AUTS2: variants seen among roughly 807,000 people sequenced by gnomAD.
AUTS2 encodes the protein activator of transcription and developmental regulator AUTS2.
A neutral mutation model predicts 112.4 loss-of-function variants in AUTS2; 17 were observed. The ratio of observed to expected loss-of-function variants is 0.15; its 90% CI spans 0.10 to 0.23. The LOEUF (loss-of-function observed/expected upper bound fraction) is 0.23, where lower values mean the gene tolerates loss of function less well. Among genes scored for constraint, AUTS2 ranks in the 10% least tolerant of loss-of-function variants. AUTS2 has a pLI of 1.00. For synonymous variants in AUTS2, 751 were observed against 702.7 expected, an observed-to-expected ratio of 1.07 and a Z score of -1.09; for missense variants, 1,510 against 1,701.6, an observed-to-expected ratio of 0.89 and a Z score of 1.98.
intron 4 of AUTS2, among the ~76,000 whole-genome samples, chr7:70,147,057 T>C (rs941810262): frequency 1.1e-4 from 17 of 152,090 alleles, no homozygotes; most frequent in African/African-American, 4.1e-4. Context: ...TACAATGTGG[T>C]TATTTAAATA....
At chr7:70,638,683 A>G (rs1437564986) in intron 5 of AUTS2, among the ~76,000 whole-genome samples, 1 of 152,170 alleles carries the variant, frequency 6.6e-6, no homozygotes, top group African/African-American at 2.4e-5. Context: ...GGAAAAGCCA[A>G]GCGCTTTAAT....
intron 4 of AUTS2, among the ~76,000 whole-genome samples, chr7:70,191,067 T>C (rs1251798471): frequency 6.6e-6 from 1 of 152,160 alleles, no homozygotes; most frequent in East Asian, 1.9e-4. Context: ...GTAAATATTA[T>C]TGAAGCCTTA....
At chr7:69,919,466 C>T (rs1388783607) in intron 2 of AUTS2, among the ~76,000 whole-genome samples, 1 of 152,176 alleles carries the variant, frequency 6.6e-6, no homozygotes, top group Non-Finnish European at 1.5e-5. Flanking sequence ...ATCGCAGACA[C>T]TGTAGCTAAT....
chr7:69,833,995 A>T (rs536856311), intron 1 of AUTS2, among the ~76,000 whole-genome samples: 1 of 152,280 alleles, frequency 6.6e-6, no homozygotes, highest in African/African-American at 2.4e-5. Context: ...ATTTTGAAAA[A>T]TTTCCAAGGG....
chr7:69,799,697 A>G (rs1020380092), intron 1 of AUTS2, among the ~76,000 whole-genome samples: 1 of 152,188 alleles, frequency 6.6e-6, no homozygotes, highest in Non-Finnish European at 1.5e-5. Flanking sequence ...ACTCCTTGGC[A>G]TTCTCTATGT....
intron 5 of AUTS2, among the ~76,000 whole-genome samples, chr7:70,691,225 CTTTCTA>C (rs1022954120): frequency 2.0e-4 from 31 of 152,116 alleles, no homozygotes; most frequent in Non-Finnish European, 1.5e-5. Flanking sequence ...TTGCTCTCTG[CTTTCTA>C]TTAGAAAGGG....
chr7:70,690,445 C>T (rs1384620799), intron 5 of AUTS2, among the ~76,000 whole-genome samples: 1 of 152,158 alleles, frequency 6.6e-6, no homozygotes, highest in African/African-American at 2.4e-5. Context: ...ACTTCCTCTT[C>T]CTTTAAACCA....
intron 1 of AUTS2, among the ~76,000 whole-genome samples, chr7:69,832,880 A>T (rs1791563131): frequency 6.6e-6 from 1 of 152,174 alleles, no homozygotes; most frequent in Non-Finnish European, 1.5e-5. Flanking sequence ...AAAATCAAAG[A>T]GGAATTTTGA....
chr7:69,746,932 A>C (rs1241189061), intron 1 of AUTS2, among the ~76,000 whole-genome samples: 2 of 152,140 alleles, frequency 1.3e-5, no homozygotes, highest in Admixed American at 6.5e-5. Flanking sequence ...CTGCCTGCCT[A>C]AGGCTGGTGA....
chr7:69,894,109 A>G (rs561342528), intron 1 of AUTS2, among the ~76,000 whole-genome samples: 2 of 152,242 alleles, frequency 1.3e-5, no homozygotes, highest in Admixed American at 1.3e-4. Flanking sequence ...TCTGTTGTGC[A>G]TGGCTTGTAC....
intron 1 of AUTS2, among the ~76,000 whole-genome samples, chr7:69,788,063 G>C (rs1789455624): frequency 6.6e-6 from 1 of 152,142 alleles, no homozygotes; most frequent in Non-Finnish European, 1.5e-5. Context: ...AGAAGAAATT[G>C]CTCTTGGTGA....
At chr7:70,321,074 A>C (rs887493311) in intron 4 of AUTS2, among the ~76,000 whole-genome samples, 6 of 152,220 alleles carry the variant, frequency 3.9e-5, no homozygotes, top group African/African-American at 1.4e-4. Flanking sequence ...ACCAAGCACC[A>C]GTCTAAGTGC....
intron 2 of AUTS2, among the ~76,000 whole-genome samples, chr7:69,986,806 T>C (rs1189381942): frequency 6.6e-6 from 1 of 152,202 alleles, no homozygotes; most frequent in East Asian, 1.9e-4. Context: ...TGCTACCCTG[T>C]CTGTGATTCT....
Position 69,695,313 on chromosome 7 carries a change from AT to A in AUTS2, c.309+95352del, listed in dbSNP as rs1460318515. On this transcript the variant is annotated intron_variant, in intron 1 of 18. Transcript: ENST00000342771. ...CACTGCACTCCAGGCTGAGCAACAG[AT>A]CAAGACTCTTGTATAAAAAAGAAAA... is the stretch of plus-strand genomic sequence containing the variant. Among the ~76,000 whole-genome samples the A allele has an allele frequency of 1.1e-4, 17 of 152,304 alleles. No homozygotes were observed. In the East Asian group the frequency reaches 3.1e-3, roughly 28 times the overall value.
intron 5 of AUTS2, among the ~76,000 whole-genome samples, chr7:70,620,294 A>C (rs547151018): frequency 7.2e-5 from 11 of 152,300 alleles, no homozygotes; most frequent in Admixed American, 7.2e-4. Context: ...CTGAAAACAC[A>C]ATCATATTCC....
intron 1 of AUTS2, among the ~76,000 whole-genome samples, chr7:69,630,474 C>T (rs886327022): frequency 7.9e-5 from 12 of 152,078 alleles, no homozygotes; most frequent in Non-Finnish European, 1.3e-4. Flanking sequence ...CACGAGTAAA[C>T]GTCTGGTTGT....
At chr7:70,491,465 T>G (rs1585209386) in intron 5 of AUTS2, among the ~76,000 whole-genome samples, 1 of 148,208 alleles carries the variant, frequency 6.7e-6, no homozygotes, top group East Asian at 2.0e-4. Flanking sequence ...ATATGTTATA[T>G]ATACACATAA....
At chr7:69,921,203 A>T (rs1213609301) in intron 2 of AUTS2, among the ~76,000 whole-genome samples, 1 of 152,306 alleles carries the variant, frequency 6.6e-6, no homozygotes, top group East Asian at 1.9e-4. Context: ...TGTTGGATTG[A>T]CTAAGGAAGT....
rs968687207 is a variant in AUTS2 at position 70,573,274 on chromosome 7, G to A, written c.691-125295G>A. The stretch of plus-strand genomic sequence containing the variant: ...CTGGTCCCCGGAGGTGGCCACAGAC[G>A]CAGTGGATTTAATGAGCTGGGAACG... On this transcript the variant is annotated intron_variant, in intron 5 of 18. Coordinates refer to ENST00000342771, the MANE Select transcript of AUTS2 (RefSeq NM_015570.4). Among the ~76,000 whole-genome samples, 11 of 152,292 alleles carry A rather than the reference G, an allele frequency of 7.2e-5. No homozygotes were observed. The East Asian group carries it at 7.7e-4, about 11-fold the overall frequency.
Sources: allele counts gnomAD v4.1 joint callset (sites outside exome capture counted in the v4.1 genomes callset), GRCh38; gene constraint gnomAD v4.1.1; transcripts MANE v1.5; gene names NCBI Gene and HGNC (gene_info 2026-07-23, HGNC 2026-07-21).